CNTLN: variants seen among roughly 807,000 people sequenced by gnomAD.
CNTLN encodes centlein, also known as centlein, centrosomal protein.
Under a neutral mutation model 180.0 loss-of-function variants are expected in CNTLN, and 212 were observed. The observed-to-expected ratio is 1.18, with a 90% CI of 1.05 to 1.32. CNTLN has a LOEUF of 1.32. Among genes scored for constraint, CNTLN ranks in the 40% most tolerant of loss-of-function variants. CNTLN has a pLI of 0.00. For synonymous variants in CNTLN, 722 were observed against 563.1 expected (o/e 1.28, Z -3.99); for missense variants, 2,095 against 1,610.9 (o/e 1.30, Z -5.14).
At chr9:17,235,482 A>G (rs891538178) in intron 3 of CNTLN, among the ~76,000 whole-genome samples, 176 bp from the exon 4 acceptor site, 2 of 152,288 alleles carry the variant, frequency 1.3e-5, no homozygotes, top group African/African-American at 4.8e-5. Context: ...CTGTACTTGC[A>G]CATTTTAGTT....
At chr9:17,346,321 A>G (rs986689882) in intron 12 of CNTLN, among the ~76,000 whole-genome samples, 3 of 152,014 alleles carry the variant, frequency 2.0e-5, no homozygotes, top group African/African-American at 7.2e-5. Flanking sequence ...ACACATGAGA[A>G]CACACTAGCA....
At chr9:17,200,627 G>A (rs1046965905) in intron 2 of CNTLN, among the ~76,000 whole-genome samples, 31 of 151,906 alleles carry the variant, frequency 2.0e-4, no homozygotes, top group Non-Finnish European at 3.5e-4. Context: ...TCATGATTTG[G>A]CTCTCTGCTT....
intron 2 of CNTLN, chr9:17,168,285 A>T (rs573639288): frequency 5.9e-5 from 9 of 152,294 alleles, no homozygotes; most frequent in African/African-American, 2.2e-4. Context: ...TCCAAGCGCT[A>T]TCAATGTTGG....
Position 17,409,184 on chromosome 9 carries a change from C to G in CNTLN, c.2616-109C>G, listed in dbSNP as rs77158291. ...CCAGTAAATGCCCACGTTAAACTTGCAGTTTTATATACAATCTATGCTAAA... is the reference window on the plus strand; with the variant it reads ...CCAGTAAATGCCCACGTTAAACTTGGAGTTTTATATACAATCTATGCTAAA... On this transcript the variant is annotated intron_variant, in intron 15 of 25. Transcript: ENST00000380647. 2,628 of 946,818 alleles carry G rather than the reference C, an allele frequency of 2.8e-3. 50 individuals are homozygous for G. The African/African-American group carries it at 0.039, about 14-fold the overall frequency. 58.7% of individuals were successfully genotyped at this position (946,818 alleles called of 1,614,324 possible).
At chr9:17,397,955 A>T (rs897662171) in intron 15 of CNTLN, among the ~76,000 whole-genome samples, 1 of 152,194 alleles carries the variant, frequency 6.6e-6, no homozygotes, top group Non-Finnish European at 1.5e-5. Flanking sequence ...TAGGGACTTC[A>T]GAAGATTCTT....
intron 5 of CNTLN, among the ~76,000 whole-genome samples, chr9:17,253,252 G>C (rs1358079488): frequency 6.6e-6 from 1 of 151,582 alleles, no homozygotes; most frequent in Admixed American, 6.6e-5. Flanking sequence ...GGGTATTCAG[G>C]CTCTTTTTTG....
At chr9:17,215,225 G>T (rs980029403) in intron 2 of CNTLN, among the ~76,000 whole-genome samples, 2 of 152,264 alleles carry the variant, frequency 1.3e-5, no homozygotes, top group African/African-American at 4.8e-5. Context: ...GTACAGATGG[G>T]GTTTTGGTGT....
At chr9:17,457,196 G>A (rs1250944870) in intron 18 of CNTLN, among the ~76,000 whole-genome samples, 1 of 152,066 alleles carries the variant, frequency 6.6e-6, no homozygotes, top group Non-Finnish European at 1.5e-5. Context: ...TACTACATCA[G>A]CTCTGAAGTC....
At chr9:17,368,501 A>G (rs994424457) in intron 13 of CNTLN, among the ~76,000 whole-genome samples, 1 of 152,176 alleles carries the variant, frequency 6.6e-6, no homozygotes, top group East Asian at 1.9e-4. Flanking sequence ...TTGAGCAAAC[A>G]TAGGTGGAAG....
chr9:17,346,424 G>A (rs1821901569), intron 12 of CNTLN, among the ~76,000 whole-genome samples: 1 of 152,138 alleles, frequency 6.6e-6, no homozygotes, highest in South Asian at 2.1e-4. Flanking sequence ...GGGATTATGG[G>A]AATTACAATT....
At chr9:17,327,953 C>CA (rs1040529323) in intron 8 of CNTLN, among the ~76,000 whole-genome samples, 6 of 148,908 alleles carry the variant, frequency 4.0e-5, no homozygotes, top group African/African-American at 1.5e-4. Flanking sequence ...AACTCCGTCT[C>CA]AAAAAAGAAA....
intron 12 of CNTLN, among the ~76,000 whole-genome samples, chr9:17,361,255 C>T (rs1823366893): frequency 6.6e-6 from 1 of 152,086 alleles, no homozygotes; most frequent in African/African-American, 2.4e-5. Context: ...TGTTCCCCTT[C>T]CTGTGTCCAT....
chr9:17,417,124 C>G (rs1176179031), intron 18 of CNTLN, among the ~76,000 whole-genome samples: 2 of 152,104 alleles, frequency 1.3e-5, no homozygotes, highest in African/African-American at 4.8e-5. Context: ...ATTTTACAGG[C>G]TTGGCCATTG....
At chr9:17,226,937 A>G (rs965248615) in intron 3 of CNTLN, among the ~76,000 whole-genome samples, 5 of 151,208 alleles carry the variant, frequency 3.3e-5, no homozygotes, top group Admixed American at 3.3e-4. Flanking sequence ...ATTTTTATAT[A>G]TATATTTTTT....
At chr9:17,457,967 C>G (rs1297154068) in intron 19 of CNTLN, among the ~76,000 whole-genome samples, 1 of 151,948 alleles carries the variant, frequency 6.6e-6, no homozygotes, top group Non-Finnish European at 1.5e-5. Context: ...TGGCCAATAT[C>G]TGCTACTCTA....
chr9:17,136,294 C>T (rs1817711851), intron 1 of CNTLN, among the ~76,000 whole-genome samples: 1 of 152,166 alleles, frequency 6.6e-6, no homozygotes, highest in African/African-American at 2.4e-5. Flanking sequence ...CAATTAGGAG[C>T]TGCTGAACAT....
chr9:17,233,622 C>A (rs1470229108), intron 3 of CNTLN, among the ~76,000 whole-genome samples: 1 of 151,928 alleles, frequency 6.6e-6, no homozygotes, highest in African/African-American at 2.4e-5. Context: ...GTTTGTATAC[C>A]CCTTTACCTC....
At chr9:17,277,401 A>C (rs1828380607) in intron 6 of CNTLN, among the ~76,000 whole-genome samples, 1 of 152,110 alleles carries the variant, frequency 6.6e-6, no homozygotes, top group South Asian at 2.1e-4. Context: ...TTGGATTAAT[A>C]CATCTGGATT....
intron 2 of CNTLN, among the ~76,000 whole-genome samples, chr9:17,183,944 A>G (rs554583935): frequency 6.6e-6 from 1 of 152,252 alleles, no homozygotes; most frequent in Admixed American, 6.5e-5. Context: ...TAGTATCTAA[A>G]TTTGTTCTTA....
Sources: allele counts gnomAD v4.1 joint callset (sites outside exome capture counted in the v4.1 genomes callset), GRCh38; gene constraint gnomAD v4.1.1; transcripts MANE v1.5; gene names NCBI Gene and HGNC (gene_info 2026-07-23, HGNC 2026-07-21).